The following CRYBA4 variants were observed in gnomAD, a reference collection of about 807,000 sequenced individuals.
CRYBA4 encodes the protein beta-crystallin A4.
In CRYBA4, 30 loss-of-function variants were observed where a neutral mutation model predicts 31.7. The observed-to-expected ratio is 0.95, with a 90% CI of 0.71 to 1.28. CRYBA4 has a LOEUF of 1.28. CRYBA4 is among the 50% of genes most tolerant of loss of function. The pLI is 0.00. For synonymous variants in CRYBA4, 102 were observed against 102.3 expected, an observed-to-expected ratio of 1.00 and a Z score of 0.02; for missense variants, 225 against 260.7, an observed-to-expected ratio of 0.86 and a Z score of 0.94.
chr22:26,626,714 C>T lies in CRYBA4; in HGVS notation c.300+1092C>T, dbSNP rs9625052. On this transcript the variant is annotated intron_variant, in intron 4 of 5. Coordinates refer to ENST00000354760, the MANE Select transcript of CRYBA4 (RefSeq NM_001886.3). ...AGTGAGCATTCTTTGAGTGTCATGT[C>T]GTCACTCAAAAAGTTTTAGATTTTG... 1.7e-3 allele frequency among the ~76,000 whole-genome samples: 257 copies of T among 152,240 alleles called. 1 individual carries two copies. Among genetic ancestry groups the T allele is most frequent in the African/African-American group, 5.9e-3 (245 of 41,542 alleles).
the CRYBA4 span, among the ~76,000 whole-genome samples, chr22:26,607,405 TC>T: frequency 6.6e-6 from 1 of 151,944 alleles, no homozygotes; most frequent in East Asian, 1.9e-4. Context: ...TGAAAAGTTT[TC>T]CCAGGCCTGG....
chr22:26,622,398 G>A (rs1031553829), intron 1 of CRYBA4, among the ~76,000 whole-genome samples, 187 bp from the exon 2 acceptor site: 3 of 152,106 alleles, frequency 2.0e-5, no homozygotes, highest in African/African-American at 7.2e-5. Context: ...ATGGGGATAG[G>A]ATGGAAGATG....
At chr22:26,606,708 A>T in the CRYBA4 span, among the ~76,000 whole-genome samples, 1 of 152,238 alleles carries the variant, frequency 6.6e-6, no homozygotes, top group Non-Finnish European at 1.5e-5. Flanking sequence ...AAATTTGGTG[A>T]TGTCAAAACA....
chr22:26,616,122 G>A, the CRYBA4 span: 4 of 1,609,498 alleles, frequency 2.5e-6, no homozygotes, highest in South Asian at 4.4e-5. Flanking sequence ...CCCAGCCACT[G>A]CACCCCCAGG....
the CRYBA4 span, among the ~76,000 whole-genome samples, chr22:26,595,534 G>A: frequency 1.3e-5 from 2 of 150,074 alleles, no homozygotes; most frequent in Non-Finnish European, 3.0e-5. Flanking sequence ...AGCCAAGATC[G>A]GGCCATTGCA....
rs1245733367 is a variant in CRYBA4 at position 26,627,359 on chromosome 22, C to CCTTTCTTTCTTT, written c.301-872_301-861dup. Among the ~76,000 whole-genome samples the CCTTTCTTTCTTT allele has an allele frequency of 4.8e-3, 200 of 41,842 alleles. 3 individuals are homozygous for CCTTTCTTTCTTT. The highest frequency in any genetic ancestry group is 6.3e-3 in the Non-Finnish European group (154 of 24,264). 27.4% of individuals were successfully genotyped at this position (41,842 alleles called of 152,430 possible). A position where few individuals can be genotyped will look rare whatever the true frequency, so the allele number is the denominator to read the frequency against. On this transcript the variant is annotated intron_variant, in intron 4 of 5. Transcript: ENST00000354760. ...CCCCTCCCTCCCTCCCTCCCTCCCT[C>CCTTTCTTTCTTT]CTTTCTTTCTTTCTTTCTTTCTTTC...
chr22:26,627,359 C>CCCTCCCTCCCTCCCTCCCTTCTTT lies in CRYBA4; in HGVS notation c.301-928_301-927insCTCCCTCCCTCCCTCCCTTCTTTC, dbSNP rs1404229613. On this transcript the variant is annotated intron_variant, in intron 4 of 5. Transcript: ENST00000354760. ...CCCCTCCCTCCCTCCCTCCCTCCCT[C>CCCTCCCTCCCTCCCTCCCTTCTTT]CTTTCTTTCTTTCTTTCTTTCTTTC... Among the ~76,000 whole-genome samples the CCCTCCCTCCCTCCCTCCCTTCTTT allele has an allele frequency of 1.1e-3, 45 of 41,860 alleles. 2 individuals are homozygous for CCCTCCCTCCCTCCCTCCCTTCTTT. Among genetic ancestry groups the CCCTCCCTCCCTCCCTCCCTTCTTT allele is most frequent in the Non-Finnish European group, 1.5e-3 (36 of 24,276 alleles). 27.5% of individuals were successfully genotyped at this position (41,860 alleles called of 152,430 possible).
Position 26,625,439 on chromosome 22 carries a change from G to A in CRYBA4, c.159-42G>A, listed in dbSNP as rs778647377. 3.1e-6 allele frequency: 5 copies of A among 1,609,852 alleles called. No homozygotes were observed. The African/African-American group carries it at 5.3e-5, about 17-fold the overall frequency. The stretch of plus-strand genomic sequence containing the variant: ...ATTGCTGGTCTAGAATGCAGGGTGA[G>A]GGGGACGCTTACCTCCTGCACACTC... On this transcript the variant is annotated intron_variant, in intron 3 of 5. Coordinates refer to ENST00000354760, the MANE Select transcript of CRYBA4 (RefSeq NM_001886.3).
upstream of CRYBA4, among the ~76,000 whole-genome samples, chr22:26,620,007 T>C (rs1929483753): frequency 6.6e-6 from 1 of 151,304 alleles, no homozygotes; most frequent in African/African-American, 2.4e-5. Flanking sequence ...TCTTTTCTTT[T>C]TTTTTTTTTG....
At chr22:26,627,476 CT>C (rs1929772703) in intron 4 of CRYBA4, among the ~76,000 whole-genome samples, 1 of 71,480 alleles carries the variant, frequency 1.4e-5, no homozygotes, top group Non-Finnish European at 2.6e-5. Flanking sequence ...TTCTTTCTTT[CT>C]CTTTCTTTCC....
chr22:26,626,293 A>G (rs1228791880), intron 4 of CRYBA4, among the ~76,000 whole-genome samples: 3 of 152,202 alleles, frequency 2.0e-5, no homozygotes, highest in South Asian at 4.1e-4. Flanking sequence ...AGTCCCAGCT[A>G]CTCAGGAGGC....
chr22:26,593,911 C>T, the CRYBA4 span, among the ~76,000 whole-genome samples: 1 of 152,166 alleles, frequency 6.6e-6, no homozygotes, highest in African/African-American at 2.4e-5. Context: ...CCTCTCCAAG[C>T]TTTTGGTGTT....
chr22:26,592,668 G>A, the CRYBA4 span, among the ~76,000 whole-genome samples: 32 of 152,316 alleles, frequency 2.1e-4, no homozygotes, highest in Admixed American at 2.0e-3. Context: ...GGAAGGAGTC[G>A]GGGCTTTTCT....
At chr22:26,624,877 G>C (rs1440114114) in intron 3 of CRYBA4, among the ~76,000 whole-genome samples, 1 of 152,190 alleles carries the variant, frequency 6.6e-6, no homozygotes, top group East Asian at 1.9e-4. Context: ...TGTCGCCTGT[G>C]GGGAGGCGAG....
chr22:26,627,854 G>A (rs187530058), intron 4 of CRYBA4, among the ~76,000 whole-genome samples: 7 of 152,108 alleles, frequency 4.6e-5, no homozygotes, highest in African/African-American at 7.2e-5. Flanking sequence ...CACCATGTTC[G>A]TCGGGCTGGT....
the CRYBA4 span, among the ~76,000 whole-genome samples, chr22:26,592,795 G>A: frequency 3.0e-4 from 46 of 152,328 alleles, no homozygotes; most frequent in South Asian, 9.5e-3. Flanking sequence ...AAACTGGTTT[G>A]GAGGGTGTTG....
intron 1 of CRYBA4, among the ~76,000 whole-genome samples, chr22:26,622,345 T>C (rs967517113): frequency 6.6e-6 from 1 of 151,164 alleles, no homozygotes; most frequent in Non-Finnish European, 1.5e-5. Flanking sequence ...GAATACAGAG[T>C]GGGGCTCAGA....
intron 4 of CRYBA4, among the ~76,000 whole-genome samples, chr22:26,627,891 A>G (rs752479594): frequency 2.0e-5 from 3 of 151,742 alleles, no homozygotes; most frequent in Non-Finnish European, 2.9e-5. Flanking sequence ...CAGGTGATCC[A>G]CCCTCCTCGG....
chr22:26,611,274 T>C, the CRYBA4 span, among the ~76,000 whole-genome samples: 1 of 152,150 alleles, frequency 6.6e-6, no homozygotes, highest in Non-Finnish European at 1.5e-5. Flanking sequence ...AAGAATAGCC[T>C]CTGCCTCCTA....
Sources: allele counts gnomAD v4.1 joint callset (sites outside exome capture counted in the v4.1 genomes callset), GRCh38; gene constraint gnomAD v4.1.1; transcripts MANE v1.5; gene names NCBI Gene and HGNC (gene_info 2026-07-23, HGNC 2026-07-21).